The following CUL5 variants were observed in gnomAD, a reference collection of about 807,000 sequenced individuals.
CUL5 encodes the protein cullin-5.
In CUL5, 26 loss-of-function variants were observed where a neutral mutation model predicts 108.8. That is an observed-to-expected ratio of 0.24 (90% CI 0.18 to 0.33). The LOEUF (loss-of-function observed/expected upper bound fraction) is 0.33. Ranked by LOEUF, CUL5 falls within the 10% of genes least tolerant of loss-of-function variation. The probability of loss-of-function intolerance (pLI) is 1.00; values close to 1 mark genes in which losing one functional copy is unlikely to be tolerated. For synonymous variants in CUL5, 334 were observed against 298.0 expected (o/e 1.12, Z -1.25); for missense variants, 524 against 909.2 (o/e 0.58, Z 5.45).
chr11:108,023,241 CTG>C (rs1433109006), intron 1 of CUL5, among the ~76,000 whole-genome samples: 1 of 152,198 alleles, frequency 6.6e-6, no homozygotes, highest in Non-Finnish European at 1.5e-5. Context: ...AAACAAAACT[CTG>C]TATCAAAAAC....
intron 14 of CUL5, 77 bp from the exon 15 acceptor site, chr11:108,094,735 C>G (rs570855471): frequency 8.4e-7 from 1 of 1,185,722 alleles, no homozygotes; most frequent in Non-Finnish European, 1.2e-6. Context: ...TGATTTTTCA[C>G]CCAAAGTTAC....
intron 8 of CUL5, among the ~76,000 whole-genome samples, chr11:108,071,354 G>C (rs1247758768): frequency 6.6e-6 from 1 of 152,000 alleles, no homozygotes; most frequent in African/African-American, 2.4e-5. Context: ...TTGACCTCCT[G>C]GGCTCAAGCG....
At chr11:108,035,454 C>T (rs953069409) in intron 2 of CUL5, among the ~76,000 whole-genome samples, 9 of 152,046 alleles carry the variant, frequency 5.9e-5, no homozygotes, top group Admixed American at 1.3e-4. Context: ...TAATCTTTGA[C>T]GGCCAGACAA....
At chr11:108,046,118 T>A (rs1863061460) in intron 2 of CUL5, 152 bp from the exon 3 acceptor site, 1 of 463,052 alleles carries the variant, frequency 2.2e-6, no homozygotes, top group Non-Finnish European at 3.8e-6. Context: ...TGTGAGGCAA[T>A]TACAAGCGTA....
intron 11 of CUL5, among the ~76,000 whole-genome samples, chr11:108,081,457 A>G (rs1357987087): frequency 6.6e-6 from 1 of 151,648 alleles, no homozygotes; most frequent in Non-Finnish European, 1.5e-5. Flanking sequence ...CTCCATTATC[A>G]AAAATCGGTT....
rs771568513 is a variant in CUL5 at position 108,106,944 on chromosome 11, C to T, written c.*2560C>T. 1.3e-5 allele frequency: 2 copies of T among 150,386 alleles called. No individual in the cohort carries two copies. The highest frequency in any genetic ancestry group is 3.0e-5 in the Non-Finnish European group (2 of 67,720). The allele number at this position is 150,386 out of a possible 1,614,324, so 9.3% of individuals were successfully genotyped here. A position where few individuals can be genotyped will look rare whatever the true frequency, so the allele number is the denominator to read the frequency against. On this transcript the variant is annotated 3_prime_UTR_variant, in exon 19 of 19. Coordinates refer to ENST00000393094, the MANE Select transcript of CUL5 (RefSeq NM_003478.6). Reference sequence around the variant, plus strand: ...CCATCTTCTAGTTTAAAGACAGAGACATCCCATCTGGAAAATGTTAACTTG... The same window carrying T: ...CCATCTTCTAGTTTAAAGACAGAGATATCCCATCTGGAAAATGTTAACTTG...
intron 1 of CUL5, among the ~76,000 whole-genome samples, chr11:108,012,398 C>G (rs1372903937): frequency 6.6e-6 from 1 of 151,916 alleles, no homozygotes; most frequent in Non-Finnish European, 1.5e-5. Flanking sequence ...TGGTCGATAC[C>G]AAACATTTTT....
At chr11:108,088,258 CT>C (rs1864270653) in intron 11 of CUL5, among the ~76,000 whole-genome samples, 1 of 152,040 alleles carries the variant, frequency 6.6e-6, no homozygotes, top group African/African-American at 2.4e-5. Context: ...AAGGTCAGCA[CT>C]AGGGTGAGGC....
chr11:108,023,951 A>C (rs1367572774), intron 1 of CUL5, among the ~76,000 whole-genome samples: 1 of 152,206 alleles, frequency 6.6e-6, no homozygotes, highest in Non-Finnish European at 1.5e-5. Context: ...CCATGTTTGA[A>C]AAGAAATGTC....
Position 108,107,279 on chromosome 11 carries a change from A to G in CUL5, c.*2895A>G, listed in dbSNP as rs758431874. 1 of 152,554 alleles carries G rather than the reference A, an allele frequency of 6.6e-6. No homozygotes were observed. Among genetic ancestry groups the G allele is most frequent in the Non-Finnish European group, 1.5e-5 (1 of 68,030 alleles). 9.5% of individuals were successfully genotyped at this position (152,554 alleles called of 1,614,324 possible). The stretch of plus-strand genomic sequence containing the variant: ...TAAATTTAATAGAAAATATGACCTG[A>G]GTAGTTAAAAAGTATTTTGCATTAT... On this transcript the variant is annotated 3_prime_UTR_variant, in exon 19 of 19. Coordinates refer to ENST00000393094, the MANE Select transcript of CUL5 (RefSeq NM_003478.6).
At chr11:108,069,824 TG>T (rs1863777948) in intron 7 of CUL5, among the ~76,000 whole-genome samples, 1 of 152,236 alleles carries the variant, frequency 6.6e-6, no homozygotes. Flanking sequence ...AATCAAAGTT[TG>T]GTTTTGTATA....
At chr11:108,063,044 C>T (rs1863580795) in intron 7 of CUL5, among the ~76,000 whole-genome samples, 1 of 152,098 alleles carries the variant, frequency 6.6e-6, no homozygotes, top group South Asian at 2.1e-4. Context: ...GGGGTTTCTC[C>T]ATGTTGGTCA....
rs77541847 is a variant in CUL5, at chr11:108,030,765, G to T, written c.25-3037G>T. ...ATTTATAAGAGTATGATGTTAATTT[G>T]TGGTTCTTAACCTAGTTTGGGTCAT... is the stretch of plus-strand genomic sequence containing the variant. On this transcript the variant is annotated intron_variant, in intron 1 of 18. Transcript: ENST00000393094. 7.5e-3 allele frequency among the ~76,000 whole-genome samples: 1,137 copies of T among 152,282 alleles called. 32 individuals carry two copies. The highest frequency in any genetic ancestry group is 0.057 in the Admixed American group (873 of 15,296).
intron 11 of CUL5, among the ~76,000 whole-genome samples, chr11:108,087,616 G>A (rs763140172): frequency 6.6e-6 from 1 of 152,086 alleles, no homozygotes; most frequent in Non-Finnish European, 1.5e-5. Flanking sequence ...TTTTTAATTT[G>A]TGTATGTTTG....
rs1864830783 is a variant in CUL5, at chr11:108,107,542, A to G, written c.*3158A>G. ...CTATATGTTGTCTGGAGTGTTGAAC[A>G]AATTTATTTTAGTTTCTAAGTTGTA... On this transcript the variant is annotated 3_prime_UTR_variant, in exon 19 of 19. Transcript: ENST00000393094. 1 of 152,636 alleles carries G rather than the reference A, an allele frequency of 6.6e-6. No individual in the cohort carries two copies. The highest frequency in any genetic ancestry group is 2.1e-4 in the South Asian group (1 of 4,838). The allele number at this position is 152,636 out of a possible 1,614,324, so 9.5% of individuals were successfully genotyped here. A position where few individuals can be genotyped will look rare whatever the true frequency, so the allele number is the denominator to read the frequency against.
chr11:108,039,103 C>T (rs1368181704), intron 2 of CUL5, among the ~76,000 whole-genome samples: 1 of 152,072 alleles, frequency 6.6e-6, no homozygotes, highest in South Asian at 2.1e-4. Flanking sequence ...TCACTGCAAC[C>T]TCTGCCTCCC....
At chr11:108,065,072 C>T (rs970009550) in intron 7 of CUL5, among the ~76,000 whole-genome samples, 3 of 152,124 alleles carry the variant, frequency 2.0e-5, no homozygotes, top group African/African-American at 7.2e-5. Flanking sequence ...GTCACCCAGG[C>T]TGGAGTGCAG....
intron 18 of CUL5, among the ~76,000 whole-genome samples, chr11:108,099,196 G>C (rs1196389193): frequency 6.6e-6 from 1 of 151,880 alleles, no homozygotes; most frequent in Non-Finnish European, 1.5e-5. Context: ...GTGGAGACAG[G>C]GTTTTGCCAT....
chr11:108,104,423 G>T lies in CUL5; in HGVS notation c.*39G>T. 1 of 1,297,722 alleles carries T rather than the reference G, an allele frequency of 7.7e-7. No individual in the cohort carries two copies. The highest frequency in any genetic ancestry group is 1.0e-6 in the Non-Finnish European group (1 of 962,126). The allele number at this position is 1,297,722 out of a possible 1,614,324, so 80.4% of individuals were successfully genotyped here. On this transcript the variant is annotated 3_prime_UTR_variant, in exon 19 of 19. Coordinates refer to ENST00000393094, the MANE Select transcript of CUL5 (RefSeq NM_003478.6). ...GGACAATATTTAGAACCCAAATTTT[G>T]GAGTGCTTGGGCAGAAAGTTGTAAA...
Sources: gnomAD v4.1 joint callset for allele counts (sites outside exome capture counted in the v4.1 genomes callset) on GRCh38, gnomAD v4.1.1 for gene constraint, MANE v1.5 for transcripts, NCBI Gene and HGNC (gene_info 2026-07-23, HGNC 2026-07-21) for gene names.